EVC: variants seen among roughly 807,000 people sequenced by gnomAD.
EVC encodes the protein EvC ciliary complex subunit 1.
EVC carries 116 observed loss-of-function variants against 118.9 expected under a neutral mutation model. The ratio of observed to expected loss-of-function variants is 0.98; its 90% confidence interval spans 0.84 to 1.14. The LOEUF (loss-of-function observed/expected upper bound fraction) is 1.14. EVC is among the 50% of genes most tolerant of loss of function. The pLI, the probability that EVC is intolerant of heterozygous loss-of-function variation, is 0.00. For missense variants in EVC, 1,401 were observed against 1,246.4 expected (o/e 1.12, Z -1.87); for synonymous variants, 619 against 534.7 (o/e 1.16, Z -2.18).
chr4:5,811,299 A>G lies in EVC; in HGVS notation c.*262A>G, dbSNP rs948097479. ...GCTTGGAGCCCTGGCTCGATGCCTC[A>G]TGGATCTTTCTCCCCAAGGAGGGAC... On this transcript the variant is annotated 3_prime_UTR_variant, in exon 21 of 21. Transcript: ENST00000264956. The G allele has an allele frequency of 1.5e-5, 7 of 456,692 alleles. No homozygotes were observed. Among genetic ancestry groups the G allele is most frequent in the African/African-American group, 1.4e-4 (7 of 50,266 alleles). The allele number at this position is 456,692 out of a possible 1,614,324, so 28.3% of individuals were successfully genotyped here.
At chr4:5,814,538 C>T (rs1717383157), downstream of EVC, among the ~76,000 whole-genome samples, 1 of 152,192 alleles carries the variant, frequency 6.6e-6, no homozygotes, top group Non-Finnish European at 1.5e-5. Flanking sequence ...TCTGCCTGGC[C>T]TTATGGGCGG....
At chr4:5,725,434 T>C (rs889943884) in intron 2 of EVC, among the ~76,000 whole-genome samples, 2 of 152,246 alleles carry the variant, frequency 1.3e-5, no homozygotes, top group Non-Finnish European at 1.5e-5. Context: ...CATGAGATGG[T>C]ATCTCATTGT....
At chr4:5,768,698 A>C (rs1330706438) in intron 11 of EVC, among the ~76,000 whole-genome samples, 1 of 151,994 alleles carries the variant, frequency 6.6e-6, no homozygotes. Context: ...CTCTACTAAA[A>C]ATACAAAAAT....
chr4:5,824,189 C>T, the EVC span: 1 of 498,310 alleles, frequency 2.0e-6, no homozygotes, highest in African/African-American at 2.1e-5. Context: ...AACAGTGGTC[C>T]AGTTTGCAAA....
rs942822756 is a variant in EVC at position 5,754,181 on chromosome 4, G to A, written c.1464+248G>A. Among the ~76,000 whole-genome samples, 3 of 152,192 alleles carry A rather than the reference G, an allele frequency of 2.0e-5. No homozygotes were observed. The highest frequency in any genetic ancestry group is 7.2e-5 in the African/African-American group (3 of 41,456). On this transcript the variant is annotated intron_variant, in intron 10 of 20. Coordinates refer to ENST00000264956, the MANE Select transcript of EVC (RefSeq NM_153717.3). This position sits in a 1 kb window ranked among gnomAD's most constrained non-coding sequence, Gnocchi z 5.8. Reference sequence around the variant, plus strand: ...CTGAGAAGAGGAGGGGGTAGGATCCGTAGAGAGCTTGGCAGAGTGCAGACG... The same window carrying A: ...CTGAGAAGAGGAGGGGGTAGGATCCATAGAGAGCTTGGCAGAGTGCAGACG...
chr4:5,736,298 C>T (rs747976105), intron 5 of EVC, among the ~76,000 whole-genome samples: 2 of 152,110 alleles, frequency 1.3e-5, no homozygotes, highest in Non-Finnish European at 2.9e-5. Context: ...CACACACACA[C>T]ACACATGCAC....
At chr4:5,793,765 C>G (rs962400154) in intron 13 of EVC, 48 bp downstream of exon 13, 7 of 1,412,796 alleles carry the variant, frequency 5.0e-6, no homozygotes, top group Non-Finnish European at 6.8e-6. Context: ...CTGCATGATG[C>G]TCCCTCCAGC....
Position 5,801,998 on chromosome 4 carries a change from G to GGTA in EVC, c.2355_2356insAGT (p.Gly785_Val786insSer). The GGTA allele has an allele frequency of 1.2e-6, 2 of 1,614,144 alleles. No homozygotes were observed. The highest frequency in any genetic ancestry group is 2.2e-5 in the South Asian group (2 of 91,076). ...GGAGAGCGTCTACGTGACCAGCGCT[G>GGTA]GTGTCAGCCGCCTGGTGCAGGCGTA... On this transcript the variant is annotated inframe_insertion, in exon 16 of 21. Coordinates refer to ENST00000264956, the MANE Select transcript of EVC (RefSeq NM_153717.3).
At position 5,733,387 on chromosome 4, in the gene EVC, A is replaced by T; in HGVS notation, c.654A>T (p.Leu218Phe). ...DVDLCIYSLH[L>F]KDLLHLDTAL... is the part of the protein sequence containing the mutation. ...ACCTGTGTATCTACAGCCTTCACTTAAAAGACCTGCTGCATTTGGACACGG... is the reference window on the plus strand; with the variant it reads ...ACCTGTGTATCTACAGCCTTCACTTTAAAGACCTGCTGCATTTGGACACGG... Residue 218 changes from leucine to phenylalanine, a missense_variant, in exon 5 of 21, where the codon TTA (leucine) becomes TTT (phenylalanine). By Grantham distance (22) the Leu-to-Phe change is conservative (BLOSUM62 0). Coordinates refer to ENST00000264956, the MANE Select transcript of EVC (RefSeq NM_153717.3). The T allele has an allele frequency of 6.2e-7, 1 of 1,614,078 alleles. No homozygotes were observed. Among genetic ancestry groups the T allele is most frequent in the Non-Finnish European group, 8.5e-7 (1 of 1,179,972 alleles).
chr4:5,827,571 C>T, the EVC span, among the ~76,000 whole-genome samples: 1 of 152,158 alleles, frequency 6.6e-6, no homozygotes, highest in East Asian at 1.9e-4. Context: ...CACAGGTACA[C>T]ACATGGCCAC....
intron 2 of EVC, among the ~76,000 whole-genome samples, chr4:5,720,020 CT>C (rs757463428): frequency 2.6e-5 from 4 of 152,098 alleles, no homozygotes; most frequent in Non-Finnish European, 5.9e-5. Flanking sequence ...GGTGCTGGGC[CT>C]CTGGAAGAGA....
intron 8 of EVC, 163 bp from the exon 9 acceptor site, chr4:5,752,673 A>T (rs1016164721): frequency 4.9e-5 from 37 of 759,672 alleles, no homozygotes; most frequent in Non-Finnish European, 6.5e-5. Flanking sequence ...GCAGACGCAG[A>T]TCTCGCTCAT....
chr4:5,792,326 G>A (rs1323261913), intron 12 of EVC, among the ~76,000 whole-genome samples: 1 of 152,134 alleles, frequency 6.6e-6, no homozygotes. Flanking sequence ...AATATCCCAG[G>A]CAAATATCCA....
rs752377739 is a variant in EVC at position 5,719,565 on chromosome 4, G to C, written c.300+192G>C. 6.6e-6 allele frequency among the ~76,000 whole-genome samples: 1 copy of C among 152,160 alleles called. No individual in the cohort carries two copies. The highest frequency in any genetic ancestry group is 1.5e-5 in the Non-Finnish European group (1 of 68,038). ...TACAGTTTGATGAGTTTTGACAATTGCATGCCCCTTAGAACAAATACCCCC... is the reference window on the plus strand; with the variant it reads ...TACAGTTTGATGAGTTTTGACAATTCCATGCCCCTTAGAACAAATACCCCC... On this transcript the variant is annotated intron_variant, in intron 2 of 20. Coordinates refer to ENST00000264956, the MANE Select transcript of EVC (RefSeq NM_153717.3). The surrounding 1 kb of genome is among the most constrained non-coding windows in gnomAD (Gnocchi z 4.7).
At chr4:5,824,592 C>T in the EVC span, 2 of 959,640 alleles carry the variant, frequency 2.1e-6, no homozygotes, top group Non-Finnish European at 2.5e-6. Flanking sequence ...CGGCCCACCG[C>T]CTGTTTCTGT....
intron 2 of EVC, among the ~76,000 whole-genome samples, chr4:5,728,089 G>T (rs939591602): frequency 6.6e-6 from 1 of 152,082 alleles, no homozygotes; most frequent in Non-Finnish European, 1.5e-5. Flanking sequence ...CTTTAAAGTG[G>T]TTTTTTCCAG....
intron 1 of EVC, among the ~76,000 whole-genome samples, chr4:5,715,808 A>G (rs1003012767): frequency 1.4e-5 from 2 of 145,452 alleles, no homozygotes; most frequent in Middle Eastern, 3.6e-3. Context: ...CAGTAGTGCA[A>G]TCTCGGCTCA....
the EVC span, among the ~76,000 whole-genome samples, chr4:5,827,809 G>A: frequency 1.3e-5 from 2 of 152,158 alleles, no homozygotes; most frequent in Admixed American, 1.3e-4. Flanking sequence ...CAGCTGCCAT[G>A]GGGATGGGAG....
At chr4:5,726,963 G>A (rs1725955862) in intron 2 of EVC, among the ~76,000 whole-genome samples, 1 of 152,018 alleles carries the variant, frequency 6.6e-6, no homozygotes, top group Non-Finnish European at 1.5e-5. Context: ...TCTTAATCCA[G>A]TCTATCATTG....
Sources: allele counts gnomAD v4.1 joint callset (sites outside exome capture counted in the v4.1 genomes callset), GRCh38; gene constraint gnomAD v4.1.1; non-coding constraint Gnocchi (gnomAD v3.1); transcripts MANE v1.5; gene names NCBI Gene and HGNC (gene_info 2026-07-23, HGNC 2026-07-21).